Variants in ZBTB16 observed in about 807,000 individuals in gnomAD.
ZBTB16 encodes zinc finger and BTB domain-containing protein 16.
In ZBTB16, 8 loss-of-function variants were observed where a neutral mutation model predicts 56.8. The observed-to-expected ratio is 0.14, with a 90% CI of 0.08 to 0.25. The LOEUF (loss-of-function observed/expected upper bound fraction) is 0.25, where lower values mean the gene tolerates loss of function less well. ZBTB16 is among the 10% of genes least tolerant of loss of function. ZBTB16 has a pLI of 1.00. For synonymous variants in ZBTB16, 363 were observed against 368.5 expected, an observed-to-expected ratio of 0.98 and a Z score of 0.17; for missense variants, 625 against 903.0, an observed-to-expected ratio of 0.69 and a Z score of 3.95.
intron 2 of ZBTB16, among the ~76,000 whole-genome samples, chr11:114,117,674 G>T (rs1296135920): frequency 6.6e-6 from 1 of 152,118 alleles, no homozygotes; most frequent in African/African-American, 2.4e-5. Flanking sequence ...AGGAGGTCTT[G>T]GAAAAACTAT....
chr11:114,246,187 G>C (rs1273859565), intron 5 of ZBTB16, among the ~76,000 whole-genome samples: 1 of 152,196 alleles, frequency 6.6e-6, no homozygotes, highest in Non-Finnish European at 1.5e-5. Flanking sequence ...GCGATACACT[G>C]AGGCTACAAG....
intron 4 of ZBTB16, among the ~76,000 whole-genome samples, chr11:114,199,906 A>G (rs374514782): frequency 5.9e-5 from 9 of 152,290 alleles, no homozygotes; most frequent in African/African-American, 2.2e-4. Context: ...AGGTGGGCGG[A>G]TCATGAGGTC....
intron 3 of ZBTB16, among the ~76,000 whole-genome samples, chr11:114,177,736 G>A (rs919522661): frequency 1.3e-5 from 2 of 152,134 alleles, no homozygotes; most frequent in African/African-American, 4.8e-5. Context: ...GTTGCCAGGA[G>A]AAGAAAGAGA....
chr11:114,223,422 C>T (rs1423794144), intron 4 of ZBTB16, among the ~76,000 whole-genome samples: 1 of 152,066 alleles, frequency 6.6e-6, no homozygotes, highest in Non-Finnish European at 1.5e-5. Context: ...GAGAGTAAGC[C>T]AGCATGTTTA....
chr11:114,187,789 T>C (rs1659893359), intron 4 of ZBTB16: 1 of 153,458 alleles, frequency 6.5e-6, no homozygotes, highest in Non-Finnish European at 1.5e-5. Context: ...TATTTACTGC[T>C]GTTCCTCATT....
chr11:114,198,693 A>C (rs1294781592), intron 4 of ZBTB16, among the ~76,000 whole-genome samples: 3 of 152,148 alleles, frequency 2.0e-5, no homozygotes, highest in African/African-American at 7.2e-5. Flanking sequence ...CCCACCATCA[A>C]CATCCCACGC....
intron 4 of ZBTB16, among the ~76,000 whole-genome samples, chr11:114,203,055 A>G (rs1943771541): frequency 6.6e-6 from 1 of 152,224 alleles, no homozygotes; most frequent in Non-Finnish European, 1.5e-5. Context: ...AAACTACCCA[A>G]TTGCCTATCA....
At chr11:114,072,313 TTGACC>T (rs1158241486) in intron 2 of ZBTB16, among the ~76,000 whole-genome samples, 4 of 152,260 alleles carry the variant, frequency 2.6e-5, no homozygotes, top group Non-Finnish European at 5.9e-5. Context: ...CTTTGTCCCA[TTGACC>T]TGAGGCCTGG....
intron 4 of ZBTB16, among the ~76,000 whole-genome samples, chr11:114,241,795 G>A (rs1308330465): frequency 1.3e-5 from 2 of 151,960 alleles, no homozygotes; most frequent in African/African-American, 4.8e-5. Flanking sequence ...TTTCTCGCAG[G>A]GTCTACCTTG....
At chr11:114,095,245 C>CTTTTTTTTTTTTTTTTTTTTT (rs745895999) in intron 2 of ZBTB16, among the ~76,000 whole-genome samples, 1 of 90,480 alleles carries the variant, frequency 1.1e-5, no homozygotes, top group Non-Finnish European at 2.0e-5. Context: ...CTTTTCTTTT[C>CTTTTTTTTTTTTTTTTTTTTT]TTTTTTTTTT....
chr11:114,082,548 C>T (rs1386358549), intron 2 of ZBTB16, among the ~76,000 whole-genome samples: 1 of 152,196 alleles, frequency 6.6e-6, no homozygotes, highest in Non-Finnish European at 1.5e-5. Context: ...GTGCTCCATA[C>T]TGATGTGACA....
At chr11:114,209,539 T>G (rs1383185616) in intron 4 of ZBTB16, 1 of 985,400 alleles carries the variant, frequency 1.0e-6, no homozygotes, top group Non-Finnish European at 1.2e-6. Flanking sequence ...CCTCTGACCC[T>G]GAGGCTCTGG....
chr11:114,141,328 T>G (rs773831430), intron 2 of ZBTB16, among the ~76,000 whole-genome samples: 3 of 152,228 alleles, frequency 2.0e-5, no homozygotes, highest in Non-Finnish European at 2.9e-5. Flanking sequence ...CCGTCTGCAG[T>G]GACAGCAGCT....
chr11:114,192,095 A>G (rs1943508417), intron 4 of ZBTB16, among the ~76,000 whole-genome samples: 1 of 152,190 alleles, frequency 6.6e-6, no homozygotes, highest in South Asian at 2.1e-4. Context: ...TCCATCAGGT[A>G]ATGGCTGGAG....
At chr11:114,186,910 T>G (rs1299362359) in intron 3 of ZBTB16, 42 bp from the exon 4 acceptor site, 4 of 1,595,560 alleles carry the variant, frequency 2.5e-6, no homozygotes. Flanking sequence ...CGCTCACCAG[T>G]GGACTATTGC....
At position 114,187,030 on chromosome 11, in the gene ZBTB16, C is replaced by T. The variant is rs1361827071; in HGVS notation, c.1445C>T (p.Thr482Ile). The change falls in exon 4 of 7, where the codon ACC becomes ATC. Residue 482 changes from threonine to isoleucine, a missense_variant. Thr to Ile is a moderately conservative substitution (Grantham distance 89, BLOSUM62 -1). Transcript: ENST00000335953. ...GATGCCCTGGAGACACACAGGCAGA[C>T]CCATACTGGTGAGTTGACTTGGATT... ...KEDALETHRQ[T>I]HTGTDMAVFC... 6.2e-7 allele frequency: 1 copy of T among 1,614,028 alleles called. No homozygotes were observed. Among genetic ancestry groups the T allele is most frequent in the Non-Finnish European group, 8.5e-7 (1 of 1,179,958 alleles).
At position 114,098,587 on chromosome 11, in the gene ZBTB16, AAAAACC is replaced by A. The variant is rs557781140; in HGVS notation, c.1268+34021_1268+34026del. 7.1e-3 allele frequency among the ~76,000 whole-genome samples: 1,070 copies of A among 151,618 alleles called. 12 individuals are homozygous for A. Among genetic ancestry groups the A allele is most frequent in the South Asian group, 0.037 (179 of 4,798 alleles). On this transcript the variant is annotated intron_variant, in intron 2 of 6. Transcript: ENST00000335953. Reference sequence around the variant, plus strand: ...CTCCTGACATTCTCACGAGTCTTGCAAAAACCAGCACGGGAGCCTTAGAAATTCTAA... The same window carrying A: ...CTCCTGACATTCTCACGAGTCTTGCAAGCACGGGAGCCTTAGAAATTCTAA...
intron 2 of ZBTB16, among the ~76,000 whole-genome samples, chr11:114,132,997 G>A (rs534812110): frequency 2.0e-5 from 3 of 152,172 alleles, no homozygotes; most frequent in East Asian, 1.9e-4. Flanking sequence ...TTGAGGTTTC[G>A]GCTTCTTGGC....
At chr11:114,240,232 C>T (rs1944674397) in intron 4 of ZBTB16, among the ~76,000 whole-genome samples, 1 of 152,140 alleles carries the variant, frequency 6.6e-6, no homozygotes, top group Non-Finnish European at 1.5e-5. Context: ...GTGTGGGGGA[C>T]AGTGAGAGGT....
Sources: allele counts gnomAD v4.1 joint callset (sites outside exome capture counted in the v4.1 genomes callset), GRCh38; gene constraint gnomAD v4.1.1; transcripts MANE v1.5; gene names NCBI Gene and HGNC (gene_info 2026-07-23, HGNC 2026-07-21).